NCAPD2: variants seen among roughly 807,000 people sequenced by gnomAD.
NCAPD2 encodes the protein condensin complex subunit 1.
In NCAPD2, 100 loss-of-function variants were observed where a neutral mutation model predicts 164.5. That is an observed-to-expected ratio of 0.61 (90% CI 0.52 to 0.72). The LOEUF (loss-of-function observed/expected upper bound fraction) is 0.72. NCAPD2 is among the 30% of genes least tolerant of loss of function. The pLI, the probability that NCAPD2 is intolerant of heterozygous loss-of-function variation, is 0.00. For missense variants in NCAPD2, 1,560 were observed against 1,749.2 expected (o/e 0.89, Z 1.93); for synonymous variants, 585 against 642.6 (o/e 0.91, Z 1.36).
intron 9 of NCAPD2, among the ~76,000 whole-genome samples, chr12:6,516,383 T>C (rs1946200636): frequency 6.6e-6 from 1 of 151,880 alleles, no homozygotes; most frequent in African/African-American, 2.4e-5. Flanking sequence ...GCACCTGTAA[T>C]CCCAGCTGCT....
rs1308035813 is a variant in NCAPD2, at chr12:6,511,230, A to G, written c.565A>G (p.Ile189Val). 12 of 1,614,240 alleles carry G rather than the reference A, an allele frequency of 7.4e-6. No homozygotes were observed. The East Asian group carries it at 8.9e-5, about 12-fold the overall frequency. The change falls in exon 6 of 32, where the codon ATA (isoleucine) becomes GTA (valine). Residue 189 changes from isoleucine to valine, a missense_variant. Transcript: ENST00000315579. ...CATCCGTCACCTGTGGAACCACTCA[A>G]TAATTGAAGAAGAATTTGTCAGGTG... ...LDIRHLWNHSIIEEEFVSLVT... is the reference protein window; with the variant it reads ...LDIRHLWNHSVIEEEFVSLVT...
At chr12:6,529,287 C>G in intron 27 of NCAPD2, 1 of 616,798 alleles carries the variant, frequency 1.6e-6, no homozygotes, top group Non-Finnish European at 2.9e-6. Context: ...CACTCCCTAG[C>G]AGCTGCTCCT....
At chr12:6,496,119 GC>G (rs1413192940) in intron 2 of NCAPD2, among the ~76,000 whole-genome samples, 1 of 145,540 alleles carries the variant, frequency 6.9e-6, no homozygotes, top group Non-Finnish European at 1.5e-5. Context: ...GTGCAGTGAT[GC>G]GATATCGGCT....
intron 2 of NCAPD2, among the ~76,000 whole-genome samples, chr12:6,502,782 C>T (rs980576790): frequency 1.6e-4 from 24 of 151,952 alleles, no homozygotes; most frequent in Non-Finnish European, 7.4e-5. Context: ...CACTGCACTT[C>T]GGCCTGCGCA....
chr12:6,518,618 T>C (rs577833307), intron 13 of NCAPD2, among the ~76,000 whole-genome samples: 1 of 143,274 alleles, frequency 7.0e-6, no homozygotes, highest in African/African-American at 2.6e-5. Flanking sequence ...CCTCCCAGGT[T>C]CAAGCAATTC....
chr12:6,528,294 C>G lies in NCAPD2; in HGVS notation c.3265C>G (p.Leu1089Val), dbSNP rs1421019529. The change falls in exon 25 of 32, where the codon CTG becomes GTG. Residue 1089 changes from leucine to valine, a missense_variant. Physicochemically the swap from Leu to Val is conservative, Grantham distance 32 (BLOSUM62 1). Coordinates refer to ENST00000315579, the MANE Select transcript of NCAPD2 (RefSeq NM_014865.4). The surrounding 1 kb of genome is among the most constrained non-coding windows in gnomAD (Gnocchi z 5.1). ...GGATCTGGCCATCCGCTTTCCCAAT[C>G]TGGTGGACCCCTGGACTCCTCATCT... ...TGDLAIRFPN[L>V]VDPWTPHLYA... The G allele has an allele frequency of 2.5e-6, 4 of 1,613,672 alleles. No individual in the cohort carries two copies. The highest frequency in any genetic ancestry group is 3.4e-6 in the Non-Finnish European group (4 of 1,179,970).
At chr12:6,506,136 T>G (rs193113636) in intron 2 of NCAPD2, among the ~76,000 whole-genome samples, 1 of 152,120 alleles carries the variant, frequency 6.6e-6, no homozygotes, top group Non-Finnish European at 1.5e-5. Flanking sequence ...TTTTTTATTT[T>G]TTGTGGAGAT....
chr12:6,520,121 T>G (rs1946250610), intron 13 of NCAPD2, among the ~76,000 whole-genome samples: 1 of 150,796 alleles, frequency 6.6e-6, no homozygotes, highest in South Asian at 2.1e-4. Flanking sequence ...GCAGAGGTTA[T>G]AGTGAGCCAA....
At chr12:6,512,924 C>T (rs1946164908) in intron 6 of NCAPD2, among the ~76,000 whole-genome samples, 1 of 152,136 alleles carries the variant, frequency 6.6e-6, no homozygotes, top group Non-Finnish European at 1.5e-5. Context: ...AAGGATGACT[C>T]TCCCGGGTTT....
At chr12:6,505,470 G>C (rs753458350) in intron 2 of NCAPD2, among the ~76,000 whole-genome samples, 1 of 152,118 alleles carries the variant, frequency 6.6e-6, no homozygotes, top group East Asian at 1.9e-4. Flanking sequence ...CCATAGTATC[G>C]ACAAGAGGCG....
In NCAPD2 at chr12:6,510,126, G is replaced by A; in HGVS notation, c.255G>A (p.Leu85=). The A allele has an allele frequency of 6.2e-7, 1 of 1,609,290 alleles. No homozygotes were observed. The highest frequency in any genetic ancestry group is 8.5e-7 in the Non-Finnish European group (1 of 1,175,608). ...PGLKEDTLQF[L]IKVVSRHSQE... ...TCAAAGAAGATACTCTGCAATTCCTGATAAAAGGTGTTTATGGGTCAGGGG... is the reference window on the plus strand; with the variant it reads ...TCAAAGAAGATACTCTGCAATTCCTAATAAAAGGTGTTTATGGGTCAGGGG... Residue 85 remains leucine (L), a synonymous_variant, in exon 4 of 32, where the codon CTG becomes CTA. Coordinates refer to ENST00000315579, the MANE Select transcript of NCAPD2 (RefSeq NM_014865.4).
intron 4 of NCAPD2, 127 bp from the exon 5 acceptor site, chr12:6,510,502 T>A: frequency 9.1e-7 from 1 of 1,103,562 alleles, no homozygotes; most frequent in Admixed American, 1.7e-5. Context: ...ACTTAGCTTG[T>A]GTTATGGCCA....
chr12:6,531,462 G>A lies in NCAPD2; in HGVS notation c.*50G>A. ...GCAGGGTATCCTGTAGGGTGACCTG[G>A]AATTCGAATTCTGTTTCCCTTGTAA... On this transcript the variant is annotated 3_prime_UTR_variant, in exon 32 of 32. Coordinates refer to ENST00000315579, the MANE Select transcript of NCAPD2 (RefSeq NM_014865.4). This position sits in a 1 kb window ranked among gnomAD's most constrained non-coding sequence, Gnocchi z 4.1. 6.3e-7 allele frequency: 1 copy of A among 1,599,404 alleles called. No individual in the cohort carries two copies. The highest frequency in any genetic ancestry group is 2.2e-5 in the East Asian group (1 of 44,568).
At chr12:6,527,248 G>A (rs938068737) in intron 22 of NCAPD2, among the ~76,000 whole-genome samples, 185 bp downstream of exon 22, 4 of 152,230 alleles carry the variant, frequency 2.6e-5, no homozygotes, top group African/African-American at 9.6e-5. Flanking sequence ...GATCACCCAG[G>A]AAGGAAAGAT....
At chr12:6,518,533 T>TTTTTTTTTTTTTTTTTG (rs1565544225) in intron 13 of NCAPD2, among the ~76,000 whole-genome samples, 1 of 138,600 alleles carries the variant, frequency 7.2e-6, no homozygotes, top group Non-Finnish European at 1.5e-5. Context: ...TTTTTTTTTT[T>TTTTTTTTTTTTTTTTTG]TGAGATGGAG....
Position 6,529,820 on chromosome 12 carries a change from G to C in NCAPD2, c.3699G>C (p.Leu1233=). The C allele has an allele frequency of 1.2e-6, 2 of 1,614,222 alleles. No homozygotes were observed. Among genetic ancestry groups the C allele is most frequent in the Non-Finnish European group, 1.7e-6 (2 of 1,180,008 alleles). ...QRDLAYCVSQ[L]PLTERGLRKM... is the part of the protein sequence containing the mutation. ...ACCTGGCCTACTGTGTGTCACAGCT[G>C]CCCCTCACAGAGCGAGGCCTCCGTA... is the stretch of plus-strand genomic sequence containing the variant. Residue 1233 remains leucine (L), a synonymous_variant, in exon 29 of 32, where the codon CTG becomes CTC. Coordinates refer to ENST00000315579, the MANE Select transcript of NCAPD2 (RefSeq NM_014865.4).
rs1184117022 is a variant in NCAPD2 at position 6,531,412 on chromosome 12, G to T, written c.4206G>T (p.Ter1402TyrextTer15). The change falls in exon 32 of 32, where the codon TAG (stop) becomes TAT (tyrosine). Residue 1402 changes from the stop codon to tyrosine (Y), a stop_lost. Coordinates refer to ENST00000315579, the MANE Select transcript of NCAPD2 (RefSeq NM_014865.4). The surrounding 1 kb of genome is among the most constrained non-coding windows in gnomAD (Gnocchi z 4.1). ...LRASARRHRS[*>Y] ...CATCGGCTCGCAGGCACAGATCCTA[G>T]GAAGTCTGTTCCTGTCCTCCCTGTG... is the stretch of plus-strand genomic sequence containing the variant. 6.2e-7 allele frequency: 1 copy of T among 1,613,390 alleles called. No individual in the cohort carries two copies. The highest frequency in any genetic ancestry group is 1.1e-5 in the South Asian group (1 of 91,014).
intron 2 of NCAPD2, among the ~76,000 whole-genome samples, chr12:6,506,467 G>C (rs1182045659): frequency 6.6e-6 from 1 of 151,848 alleles, no homozygotes; most frequent in Non-Finnish European, 1.5e-5. Flanking sequence ...GCGGGCGCCG[G>C]TAGTCCCAGC....
At chr12:6,497,481 T>G (rs1945994941) in intron 2 of NCAPD2, among the ~76,000 whole-genome samples, 1 of 152,154 alleles carries the variant, frequency 6.6e-6, no homozygotes, top group South Asian at 2.1e-4. Context: ...GGCTCCATTG[T>G]GTTGTTCCCC....
Sources: gnomAD v4.1 joint callset for allele counts (sites outside exome capture counted in the v4.1 genomes callset) on GRCh38, gnomAD v4.1.1 for gene constraint, Gnocchi (gnomAD v3.1) non-coding constraint, MANE v1.5 for transcripts, NCBI Gene and HGNC (gene_info 2026-07-23, HGNC 2026-07-21) for gene names.